VTI1A: variants seen among roughly 807,000 people sequenced by gnomAD.
VTI1A encodes the protein vesicle transport through interaction with t-SNAREs 1A, also known as vesicle transport through interaction with t-SNAREs homolog 1A.
VTI1A carries 22 observed loss-of-function variants against 34.9 expected under a neutral mutation model. The ratio of observed to expected loss-of-function variants is 0.63; its 90% CI spans 0.45 to 0.90. VTI1A has a LOEUF of 0.90. VTI1A is among the 40% of genes least tolerant of loss of function. The pLI, the probability that VTI1A is intolerant of heterozygous loss-of-function variation, is 0.00. For synonymous variants in VTI1A, 87 were observed against 97.3 expected (o/e 0.89, Z 0.62); for missense variants, 268 against 275.6 (o/e 0.97, Z 0.20).
intron 7 of VTI1A, among the ~76,000 whole-genome samples, chr10:112,699,481 A>C (rs1564889383): frequency 6.6e-6 from 1 of 152,244 alleles, no homozygotes; most frequent in Non-Finnish European, 1.5e-5. Flanking sequence ...ACCTAAATTT[A>C]AACTATGGTT....
chr10:112,751,461 A>G (rs958776836), intron 7 of VTI1A, among the ~76,000 whole-genome samples: 11 of 146,062 alleles, frequency 7.5e-5, no homozygotes, highest in Non-Finnish European at 1.5e-5. Flanking sequence ...AACAATGTTC[A>G]GTAATTAACT....
intron 7 of VTI1A, among the ~76,000 whole-genome samples, chr10:112,755,301 G>A (rs773125225): frequency 1.5e-4 from 23 of 152,098 alleles, no homozygotes; most frequent in Non-Finnish European, 2.9e-4. Context: ...TTCAAATTCT[G>A]TGACATATCT....
At chr10:112,616,408 CT>C (rs1475578144) in intron 5 of VTI1A, among the ~76,000 whole-genome samples, 2 of 152,136 alleles carry the variant, frequency 1.3e-5, no homozygotes. Flanking sequence ...TAAAATAGTC[CT>C]AGGTAAATCA....
chr10:112,749,486 T>C (rs1851026628), intron 7 of VTI1A, among the ~76,000 whole-genome samples: 1 of 152,246 alleles, frequency 6.6e-6, no homozygotes, highest in South Asian at 2.1e-4. Flanking sequence ...TTGATAGGAA[T>C]ATGTGTAAGA....
At chr10:112,717,222 A>G (rs1468959448) in intron 7 of VTI1A, among the ~76,000 whole-genome samples, 1 of 152,190 alleles carries the variant, frequency 6.6e-6, no homozygotes, top group Non-Finnish European at 1.5e-5. Flanking sequence ...ACATGTCCAG[A>G]GGTCATGGCC....
intron 5 of VTI1A, among the ~76,000 whole-genome samples, chr10:112,573,304 A>C (rs1385269284): frequency 6.6e-6 from 1 of 152,158 alleles, no homozygotes; most frequent in African/African-American, 2.4e-5. Context: ...GCAACTTGGA[A>C]ATCAAGACTA....
chr10:112,784,208 TGTAC>T (rs1479333673), intron 7 of VTI1A, among the ~76,000 whole-genome samples: 1 of 152,224 alleles, frequency 6.6e-6, no homozygotes, highest in East Asian at 1.9e-4. Context: ...ATTCCCCGTG[TGTAC>T]GTGTCAGAGA....
chr10:112,621,894 C>T (rs896014343), intron 5 of VTI1A, among the ~76,000 whole-genome samples: 2 of 152,156 alleles, frequency 1.3e-5, no homozygotes, highest in African/African-American at 2.4e-5. Context: ...ATGCAAGGTA[C>T]TCTTAGTAGT....
rs1853570148 is a variant in VTI1A, at chr10:112,817,877, AGGAGGAAGAAGAGAAGGAAGC to A, written c.*2495_*2515del. 1 of 233,286 alleles carries A rather than the reference AGGAGGAAGAAGAGAAGGAAGC, an allele frequency of 4.3e-6. No individual in the cohort carries two copies. The highest frequency in any genetic ancestry group is 8.5e-6 in the Non-Finnish European group (1 of 117,762). The allele number at this position is 233,286 out of a possible 1,614,324, so 14.5% of individuals were successfully genotyped here. ...GGTTGGGGGGAAGATGAAGGCATGG[AGGAGGAAGAAGAGAAGGAAGC>A]CCTTGCCATATAAAATTCATGCAGA... On this transcript the variant is annotated 3_prime_UTR_variant, in exon 8 of 8. Transcript: ENST00000393077.
chr10:112,644,405 A>G (rs1846696905), intron 5 of VTI1A, among the ~76,000 whole-genome samples: 1 of 152,230 alleles, frequency 6.6e-6, no homozygotes, highest in Admixed American at 6.5e-5. Flanking sequence ...CCATTTGACA[A>G]ATATAATTAA....
the VTI1A span, among the ~76,000 whole-genome samples, chr10:112,833,767 G>C: frequency 6.6e-6 from 1 of 152,136 alleles, no homozygotes; most frequent in South Asian, 2.1e-4. Flanking sequence ...GGGAGGCAGA[G>C]GACTCAGGGC....
chr10:112,754,193 G>C (rs1216404330), intron 7 of VTI1A, among the ~76,000 whole-genome samples: 1 of 152,196 alleles, frequency 6.6e-6, no homozygotes, highest in East Asian at 1.9e-4. Flanking sequence ...GACTTCTCAG[G>C]AAGTTATGAA....
intron 7 of VTI1A, among the ~76,000 whole-genome samples, chr10:112,690,854 A>G (rs1247878797): frequency 6.6e-6 from 1 of 152,206 alleles, no homozygotes; most frequent in Non-Finnish European, 1.5e-5. Flanking sequence ...TGTGTGCATC[A>G]GAGTCACCTG....
At chr10:112,538,432 C>A in intron 5 of VTI1A, 102 bp downstream of exon 5, 1 of 1,072,068 alleles carries the variant, frequency 9.3e-7, no homozygotes. Context: ...GAGACAGCAG[C>A]CCGAGATGTG....
chr10:112,711,107 AAATTCAGGCTCCC>A (rs1849398081), intron 7 of VTI1A, among the ~76,000 whole-genome samples: 1 of 152,244 alleles, frequency 6.6e-6, no homozygotes, highest in African/African-American at 2.4e-5. Flanking sequence ...GGTATCATTT[AAATTCAGGCTCCC>A]AATCTGTAGA....
At chr10:112,650,959 T>G (rs1846991368) in intron 5 of VTI1A, among the ~76,000 whole-genome samples, 3 of 152,344 alleles carry the variant, frequency 2.0e-5, no homozygotes, top group Admixed American at 2.0e-4. Flanking sequence ...ACTGATTGCT[T>G]TGATAAGTTA....
At chr10:112,626,210 C>T (rs1845917192) in intron 5 of VTI1A, among the ~76,000 whole-genome samples, 1 of 152,134 alleles carries the variant, frequency 6.6e-6, no homozygotes, top group Admixed American at 6.5e-5. Context: ...GTAAAAGCCC[C>T]CTTCCGGAGG....
chr10:112,500,770 C>A (rs568926371), intron 3 of VTI1A, among the ~76,000 whole-genome samples: 2 of 152,166 alleles, frequency 1.3e-5, no homozygotes, highest in African/African-American at 4.8e-5. Flanking sequence ...TTTTCTCTTA[C>A]AATTCTTTTC....
At chr10:112,832,614 A>G in the VTI1A span, among the ~76,000 whole-genome samples, 2 of 152,220 alleles carry the variant, frequency 1.3e-5, no homozygotes, top group Non-Finnish European at 1.5e-5. Flanking sequence ...GGCTTAGATC[A>G]AAAGTCATAA....
Sources: allele counts gnomAD v4.1 joint callset (sites outside exome capture counted in the v4.1 genomes callset), GRCh38; gene constraint gnomAD v4.1.1; transcripts MANE v1.5; gene names NCBI Gene and HGNC (gene_info 2026-07-23, HGNC 2026-07-21).